UBE2E2: variants seen among roughly 807,000 people sequenced by gnomAD.
The protein encoded by UBE2E2 is ubiquitin-conjugating enzyme E2 E2.
A neutral mutation model predicts 24.7 loss-of-function variants in UBE2E2; 6 were observed. The ratio of observed to expected loss-of-function variants is 0.24; its 90% CI spans 0.13 to 0.48. The LOEUF is 0.48. Ranked by LOEUF, UBE2E2 falls within the 20% of genes least tolerant of loss-of-function variation. The pLI is 0.99. For synonymous variants in UBE2E2, 104 were observed against 83.6 expected (o/e 1.24, Z -1.33); for missense variants, 169 against 245.0 (o/e 0.69, Z 2.07).
chr3:23,251,150 G>A (rs1399168552), intron 3 of UBE2E2, among the ~76,000 whole-genome samples: 1 of 152,158 alleles, frequency 6.6e-6, no homozygotes, highest in Non-Finnish European at 1.5e-5. Flanking sequence ...CCTGTGACAG[G>A]AGCTTTTAAT....
rs542473659 is a variant in UBE2E2, at chr3:23,268,450, C to G, written c.227+51138C>G. ...CAAATCATGAGTGAACTCCCATTCA[C>G]AATTGCTTCAAAGAGAAAAAAATAC... On this transcript the variant is annotated intron_variant, in intron 3 of 5. Coordinates refer to ENST00000396703, the MANE Select transcript of UBE2E2 (RefSeq NM_152653.4). Among the ~76,000 whole-genome samples the G allele has an allele frequency of 9.2e-5, 14 of 152,024 alleles. No individual in the cohort carries two copies. In the East Asian group the frequency reaches 2.7e-3, roughly 29 times the overall value.
At chr3:23,384,631 C>G (rs1461719251) in intron 3 of UBE2E2, among the ~76,000 whole-genome samples, 1 of 152,186 alleles carries the variant, frequency 6.6e-6, no homozygotes, top group Non-Finnish European at 1.5e-5. Flanking sequence ...CAACCTCCAC[C>G]TCTGGGGTTC....
chr3:23,315,261 A>AGGCT (rs1005668970), intron 3 of UBE2E2, among the ~76,000 whole-genome samples: 5 of 150,322 alleles, frequency 3.3e-5, no homozygotes, highest in African/African-American at 1.2e-4. Flanking sequence ...GAGTACTGCT[A>AGGCT]GGCTACCTTT....
intron 5 of UBE2E2, among the ~76,000 whole-genome samples, chr3:23,535,085 G>C (rs1334730900): frequency 6.6e-6 from 1 of 152,128 alleles, no homozygotes. Context: ...GATATTTGTA[G>C]ACAGCAGATG....
intron 3 of UBE2E2, among the ~76,000 whole-genome samples, chr3:23,489,410 A>G (rs1401415833): frequency 1.3e-5 from 2 of 152,128 alleles, no homozygotes; most frequent in Non-Finnish European, 2.9e-5. Flanking sequence ...GATCCTTCAC[A>G]TGTGCACTTC....
At chr3:23,252,982 T>G (rs1401666693) in intron 3 of UBE2E2, among the ~76,000 whole-genome samples, 1 of 152,166 alleles carries the variant, frequency 6.6e-6, no homozygotes, top group East Asian at 1.9e-4. Context: ...TATCTTTTAA[T>G]AAAGAATATG....
chr3:23,531,843 C>G (rs572376537), intron 4 of UBE2E2, among the ~76,000 whole-genome samples: 96 of 152,182 alleles, frequency 6.3e-4, no homozygotes, highest in Admixed American at 2.3e-3. Flanking sequence ...AGGCGGATGA[C>G]TTGAGGTCAG....
At position 23,238,873 on chromosome 3, in the gene UBE2E2, A is replaced by C. The variant is rs372483019; in HGVS notation, c.227+21561A>C. Among the ~76,000 whole-genome samples, 15 of 152,294 alleles carry C rather than the reference A, an allele frequency of 9.8e-5. No individual in the cohort carries two copies. The East Asian group carries it at 2.5e-3, about 25-fold the overall frequency. ...AGTTTCCCACTTGTGGCATCATGTC[A>C]GTGCTGAAAGTTTTTGATTTTGGAG... On this transcript the variant is annotated intron_variant, in intron 3 of 5. Coordinates refer to ENST00000396703, the MANE Select transcript of UBE2E2 (RefSeq NM_152653.4).
intron 4 of UBE2E2, among the ~76,000 whole-genome samples, chr3:23,526,816 T>C (rs1695009783): frequency 6.6e-6 from 1 of 152,194 alleles, no homozygotes; most frequent in African/African-American, 2.4e-5. Flanking sequence ...ACAAACATCA[T>C]CATCAAAGTA....
At chr3:23,560,526 T>C (rs1158217309) in intron 5 of UBE2E2, among the ~76,000 whole-genome samples, 1 of 152,050 alleles carries the variant, frequency 6.6e-6, no homozygotes, top group Admixed American at 6.5e-5. Flanking sequence ...ACAATAAACA[T>C]ACGTGTGCAC....
intron 3 of UBE2E2, among the ~76,000 whole-genome samples, chr3:23,374,869 T>C (rs1307601888): frequency 6.6e-6 from 1 of 152,166 alleles, no homozygotes; most frequent in Non-Finnish European, 1.5e-5. Flanking sequence ...CCTGATCTCA[T>C]GCAATCCTTC....
At chr3:23,225,883 T>G (rs541680547) in intron 3 of UBE2E2, among the ~76,000 whole-genome samples, 1 of 152,070 alleles carries the variant, frequency 6.6e-6, no homozygotes, top group South Asian at 2.1e-4. Flanking sequence ...GTTTTTTTTT[T>G]TTGTTTTTGT....
rs879738832 is a variant in UBE2E2, at chr3:23,283,213, CTT to C, written c.227+65911_227+65912del. On this transcript the variant is annotated intron_variant, in intron 3 of 5. Coordinates refer to ENST00000396703, the MANE Select transcript of UBE2E2 (RefSeq NM_152653.4). ...TGCCCTGAAGGCAACCAGTAAAAAACTTTTTTTTTTTCATGTAGAAAATTTGG... is the reference window on the plus strand; with the variant it reads ...TGCCCTGAAGGCAACCAGTAAAAAACTTTTTTTTTCATGTAGAAAATTTGG... Among the ~76,000 whole-genome samples the C allele has an allele frequency of 6.1e-5, 9 of 147,550 alleles. No homozygotes were observed. The East Asian group carries it at 1.8e-3, about 29-fold the overall frequency.
At position 23,204,243 on chromosome 3, in the gene UBE2E2, C is replaced by CT. The variant is rs566928030; in HGVS notation, c.-9+785dup. Among the ~76,000 whole-genome samples the CT allele has an allele frequency of 1.1e-4, 17 of 149,288 alleles. No homozygotes were observed. The South Asian group carries it at 2.2e-3, about 19-fold the overall frequency. ...GAAGATAAAGCGTGGCTTCTTGTGG[C>CT]TTTTTTCCCCCACGACCAACCAGAA... On this transcript the variant is annotated intron_variant, in intron 1 of 5. Coordinates refer to ENST00000396703, the MANE Select transcript of UBE2E2 (RefSeq NM_152653.4).
intron 5 of UBE2E2, among the ~76,000 whole-genome samples, chr3:23,564,434 T>C (rs954643763): frequency 3.3e-5 from 5 of 152,166 alleles, no homozygotes; most frequent in East Asian, 1.9e-4. Flanking sequence ...GGCTGTATAA[T>C]GTAGTGCTTG....
intron 4 of UBE2E2, among the ~76,000 whole-genome samples, chr3:23,501,079 AG>A (rs1424953377): frequency 6.6e-6 from 1 of 152,102 alleles, no homozygotes; most frequent in Non-Finnish European, 1.5e-5. Context: ...ACTTTAGACC[AG>A]CCCTTATGTC....
intron 5 of UBE2E2, among the ~76,000 whole-genome samples, chr3:23,546,626 A>T (rs144295632): frequency 0.029 from 4,381 of 151,420 alleles, 105 homozygotes; most frequent in East Asian, 0.13. Flanking sequence ...GGCATGCACC[A>T]CCACGCCTGG....
At chr3:23,229,947 T>C (rs1325609338) in intron 3 of UBE2E2, among the ~76,000 whole-genome samples, 1 of 152,218 alleles carries the variant, frequency 6.6e-6, no homozygotes, top group Non-Finnish European at 1.5e-5. Context: ...ATGCTTAAAC[T>C]TATGTTTATA....
intron 5 of UBE2E2, among the ~76,000 whole-genome samples, chr3:23,555,428 A>G (rs1337591641): frequency 6.6e-6 from 1 of 152,212 alleles, no homozygotes; most frequent in Non-Finnish European, 1.5e-5. Flanking sequence ...CTTAGTGGAA[A>G]CATAGATTGG....
Sources: allele counts gnomAD v4.1 joint callset (sites outside exome capture counted in the v4.1 genomes callset), GRCh38; gene constraint gnomAD v4.1.1; transcripts MANE v1.5; gene names NCBI Gene and HGNC (gene_info 2026-07-23, HGNC 2026-07-21).